PCDHGA7: variants seen among roughly 807,000 people sequenced by gnomAD.
PCDHGA7 encodes protocadherin gamma subfamily A, 7, also known as protocadherin gamma-A7.
Under a neutral mutation model 58.3 loss-of-function variants are expected in PCDHGA7, and 44 were observed. The observed-to-expected ratio is 0.75, with a 90% confidence interval of 0.59 to 0.97. The LOEUF is 0.97. Among genes scored for constraint, PCDHGA7 ranks in the 50% least tolerant of loss-of-function variants. The probability of loss-of-function intolerance (pLI) is 0.00; values close to 1 mark genes in which losing one functional copy is unlikely to be tolerated. For missense variants in PCDHGA7, 1,266 were observed against 1,188.7 expected, an observed-to-expected ratio of 1.06 and a Z score of -0.96; for synonymous variants, 516 against 504.2, an observed-to-expected ratio of 1.02 and a Z score of -0.31.
intron 1 of PCDHGA7, chr5:141,422,001 C>T (rs2096616874): frequency 6.2e-7 from 1 of 1,609,114 alleles, no homozygotes; most frequent in Non-Finnish European, 8.5e-7. Context: ...ACATCAGCTC[C>T]GGAACTCGGG....
At chr5:141,453,178 A>G (rs939398654) in intron 1 of PCDHGA7, among the ~76,000 whole-genome samples, 1 of 152,128 alleles carries the variant, frequency 6.6e-6, no homozygotes, top group African/African-American at 2.4e-5. Flanking sequence ...CAGTGGTACA[A>G]TCACAGCTCA....
chr5:141,423,689 G>A (rs2096767103), intron 1 of PCDHGA7: 2 of 1,400,130 alleles, frequency 1.4e-6, no homozygotes, highest in Non-Finnish European at 9.4e-7. Context: ...CCTCCTAATT[G>A]TTGGTGTCTT....
intron 1 of PCDHGA7, among the ~76,000 whole-genome samples, chr5:141,456,859 A>C (rs2098893194): frequency 6.6e-6 from 1 of 152,152 alleles, no homozygotes; most frequent in Admixed American, 6.6e-5. Context: ...GCTAATTGGG[A>C]GGCTGAGGCA....
intron 1 of PCDHGA7, among the ~76,000 whole-genome samples, chr5:141,465,091 G>A (rs1689517062): frequency 6.7e-6 from 1 of 149,016 alleles, no homozygotes; most frequent in Non-Finnish European, 1.5e-5. Context: ...CATTTTTCTA[G>A]TAGTTTTTTT....
intron 1 of PCDHGA7, among the ~76,000 whole-genome samples, chr5:141,462,399 T>C (rs2099038838): frequency 6.6e-6 from 1 of 152,236 alleles, no homozygotes; most frequent in South Asian, 2.1e-4. Flanking sequence ...ATTTCTTTTA[T>C]GGCACAGAAT....
At chr5:141,500,672 C>A (rs2099801937) in intron 2 of PCDHGA7, among the ~76,000 whole-genome samples, 1 of 152,156 alleles carries the variant, frequency 6.6e-6, no homozygotes, top group South Asian at 2.1e-4. Context: ...TACTGTCCAA[C>A]AGAATTATAG....
At chr5:141,414,557 A>T (rs749209012) in intron 1 of PCDHGA7, 25 of 1,613,906 alleles carry the variant, frequency 1.5e-5, no homozygotes, top group Non-Finnish European at 2.0e-5. Flanking sequence ...CAAGTCTCCT[A>T]CTTTACCTAT....
chr5:141,414,752 A>G (rs1339630983), intron 1 of PCDHGA7: 9 of 1,614,110 alleles, frequency 5.6e-6, no homozygotes, highest in Non-Finnish European at 7.6e-6. Flanking sequence ...TCCTTCGACT[A>G]TGAGCAGTTT....
rs769641310 is a variant in PCDHGA7, at chr5:141,477,421, T to G, written c.2425-17386T>G. 1.7e-5 allele frequency: 28 copies of G among 1,614,172 alleles called. No individual in the cohort carries two copies. Among genetic ancestry groups the G allele is most frequent in the Non-Finnish European group, 2.3e-5 (27 of 1,180,028 alleles). On this transcript the variant is annotated intron_variant, in intron 1 of 3. Coordinates refer to ENST00000518325, the MANE Select transcript of PCDHGA7 (RefSeq NM_018920.4). The surrounding 1 kb of genome is among the most constrained non-coding windows in gnomAD (Gnocchi z 4.9). ...TCACCGCCCGAGACGCCGGAACCCC[T>G]TCCCTCTCAGCCCTTACAATAGTGC...
chr5:141,410,847 G>GTTT (rs773839667), intron 1 of PCDHGA7: 4 of 158,330 alleles, frequency 2.5e-5, no homozygotes, highest in South Asian at 1.1e-4. Context: ...TTTTGTCTTT[G>GTTT]TCTTTTTTTT....
chr5:141,413,651 C>T (rs377135032), intron 1 of PCDHGA7: 16 of 1,613,658 alleles, frequency 9.9e-6, no homozygotes, highest in Non-Finnish European at 8.5e-6. Context: ...TTTCCTCTCC[C>T]GGAAGCTATT....
chr5:141,409,445 A>G, intron 1 of PCDHGA7: 1 of 1,613,988 alleles, frequency 6.2e-7, no homozygotes, highest in Non-Finnish European at 8.5e-7. Context: ...CCGAGAGCAG[A>G]CACCAGAATA....
rs2099745591 is a variant in PCDHGA7, at chr5:141,492,999, T to C, written c.2425-1808T>C. Among the ~76,000 whole-genome samples, 3 of 152,350 alleles carry C rather than the reference T, an allele frequency of 2.0e-5. No homozygotes were observed. In the South Asian group the frequency reaches 6.2e-4, roughly 32 times the overall value. ...CTGTCTCCTCTGGCAGATGGAAAGCTATAGGCTCTGCCAGATGCCAGGGTG... is the reference window on the plus strand; with the variant it reads ...CTGTCTCCTCTGGCAGATGGAAAGCCATAGGCTCTGCCAGATGCCAGGGTG... On this transcript the variant is annotated intron_variant, in intron 1 of 3. Coordinates refer to ENST00000518325, the MANE Select transcript of PCDHGA7 (RefSeq NM_018920.4).
At chr5:141,430,910 G>T in intron 1 of PCDHGA7, 2 of 1,608,040 alleles carry the variant, frequency 1.2e-6, no homozygotes, top group Middle Eastern at 1.7e-4. Context: ...CATCTCCAGG[G>T]ACCTGGGGCT....
At chr5:141,413,381 G>T in intron 1 of PCDHGA7, 2 of 1,613,946 alleles carry the variant, frequency 1.2e-6, no homozygotes, top group Admixed American at 1.7e-5. Context: ...CGCGGAGTCC[G>T]CATAGTCTCC....
In PCDHGA7 at chr5:141,487,087, C is replaced by G. The variant is rs752261507; in HGVS notation, c.2425-7720C>G. 1.2e-6 allele frequency: 2 copies of G among 1,613,890 alleles called. No homozygotes were observed. Among genetic ancestry groups the G allele is most frequent in the Non-Finnish European group, 1.7e-6 (2 of 1,179,804 alleles). ...CGGCTGTTCCTATCCCAGCTGACCT[C>G]CCACCACAGAAGCTGGTCATTGTGG... On this transcript the variant is annotated intron_variant, in intron 1 of 3. Transcript: ENST00000518325. The surrounding 1 kb of genome is among the most constrained non-coding windows in gnomAD (Gnocchi z 5.0).
chr5:141,461,167 C>T (rs917796588), intron 1 of PCDHGA7, among the ~76,000 whole-genome samples: 2 of 151,968 alleles, frequency 1.3e-5, no homozygotes, highest in Non-Finnish European at 2.9e-5. Context: ...AGTGGGATTG[C>T]TGGATTGAAT....
chr5:141,508,714 G>A (rs775462794), intron 3 of PCDHGA7, among the ~76,000 whole-genome samples: 16 of 151,880 alleles, frequency 1.1e-4, no homozygotes, highest in Admixed American at 2.0e-4. Context: ...ATTCTTTTCT[G>A]TGTGCAGGGA....
chr5:141,389,886 G>A, intron 1 of PCDHGA7: 1 of 1,614,078 alleles, frequency 6.2e-7, no homozygotes, highest in Non-Finnish European at 8.5e-7. Context: ...CAGCTTGCAG[G>A]AGGTGCTGCC....
Sources: gnomAD v4.1 joint callset for allele counts (sites outside exome capture counted in the v4.1 genomes callset) on GRCh38, gnomAD v4.1.1 for gene constraint, Gnocchi (gnomAD v3.1) non-coding constraint, MANE v1.5 for transcripts, NCBI Gene and HGNC (gene_info 2026-07-23, HGNC 2026-07-21) for gene names.